The following NIN variants were observed in gnomAD, a reference collection of about 807,000 sequenced individuals.
The protein encoded by NIN is glycogen synthase kinase 3 beta-interacting protein.
A neutral mutation model predicts 257.6 loss-of-function variants in NIN; 137 were observed. That is an observed-to-expected ratio of 0.53 (90% CI 0.46 to 0.61). The LOEUF (loss-of-function observed/expected upper bound fraction) is 0.61. Among genes scored for constraint, NIN ranks in the 20% least tolerant of loss-of-function variants. The pLI, the probability that NIN is intolerant of heterozygous loss-of-function variation, is 0.00. For missense variants in NIN, 2,439 were observed against 2,501.2 expected, an observed-to-expected ratio of 0.98 and a Z score of 0.53; for synonymous variants, 918 against 919.8, an observed-to-expected ratio of 1.00 and a Z score of 0.04.
At chr14:50,783,056 G>A (rs1291552924) in intron 5 of NIN, among the ~76,000 whole-genome samples, 2 of 152,252 alleles carry the variant, frequency 1.3e-5, no homozygotes, top group East Asian at 3.9e-4. Flanking sequence ...AGTGGGGGTG[G>A]GGGTTAGGGG....
intron 21 of NIN, among the ~76,000 whole-genome samples, chr14:50,748,766 C>A (rs2041663314): frequency 6.6e-6 from 1 of 152,088 alleles, no homozygotes. Context: ...ACATGAAGGA[C>A]CTCTTCAAGG....
intron 12 of NIN, among the ~76,000 whole-genome samples, chr14:50,769,837 G>A (rs1452069769): frequency 2.6e-5 from 4 of 151,980 alleles, no homozygotes; most frequent in African/African-American, 9.7e-5. Context: ...CAGCTACTTG[G>A]CAGGCCGAGG....
chr14:50,787,022 C>G (rs936883712), intron 5 of NIN, among the ~76,000 whole-genome samples: 1 of 152,056 alleles, frequency 6.6e-6, no homozygotes, highest in African/African-American at 2.4e-5. Flanking sequence ...CCTCATAGTC[C>G]CAACACAAAG....
intron 2 of NIN, among the ~76,000 whole-genome samples, chr14:50,828,114 AAAAG>A (rs2045547832): frequency 6.6e-6 from 1 of 152,072 alleles, no homozygotes; most frequent in African/African-American, 2.4e-5. Context: ...AAAAAAAAAA[AAAAG>A]GAGAAAGCTT....
rs1344927228 is a variant in NIN at position 50,756,697 on chromosome 14, A to C, written c.4333T>G (p.Phe1445Val). 6.4e-7 allele frequency: 1 copy of C among 1,551,644 alleles called. No homozygotes were observed. The highest frequency in any genetic ancestry group is 1.7e-4 in the Middle Eastern group (1 of 5,992). The change falls in exon 18 of 31, where the codon TTT becomes GTT. Residue 1445 changes from phenylalanine (F) to valine (V), a missense_variant. By Grantham distance (50) the Phe-to-Val change is conservative. Transcript: ENST00000530997. ...TTLLGFQDKH[F>V]QHQATIAELE... is the part of the protein sequence containing the mutation. ...TCTGCTATGGTGGCCTGATGCTGAA[A>C]ATGTTTGTCTTGAAAGCCTAGGAGA... is the stretch of plus-strand genomic sequence containing the variant.
At chr14:50,784,928 T>A (rs1772420382) in intron 5 of NIN, among the ~76,000 whole-genome samples, 1 of 152,330 alleles carries the variant, frequency 6.6e-6, no homozygotes, top group Admixed American at 6.5e-5. Context: ...GCCAGTGTAC[T>A]GGCCAACAGC....
intron 28 of NIN, among the ~76,000 whole-genome samples, chr14:50,731,213 C>G (rs901256256): frequency 6.6e-6 from 1 of 152,042 alleles, no homozygotes; most frequent in African/African-American, 2.4e-5. Context: ...ATTTGTGCCC[C>G]GCCCAATATA....
At chr14:50,735,169 A>AT (rs2040914850) in intron 28 of NIN, among the ~76,000 whole-genome samples, 1 of 152,196 alleles carries the variant, frequency 6.6e-6, no homozygotes, top group African/African-American at 2.4e-5. Context: ...AAAATGCTGC[A>AT]ATATAGGAGG....
chr14:50,779,824 G>GAGCC (rs2043063688), intron 5 of NIN, among the ~76,000 whole-genome samples: 1 of 152,138 alleles, frequency 6.6e-6, no homozygotes. Flanking sequence ...AGGCAAGAAT[G>GAGCC]AGCCTAGTGT....
intron 22 of NIN, among the ~76,000 whole-genome samples, chr14:50,746,092 T>C (rs2041525527): frequency 1.3e-5 from 2 of 152,028 alleles, no homozygotes; most frequent in South Asian, 4.2e-4. Context: ...ATCATGTTGT[T>C]TTTCTCCTAG....
chr14:50,777,137 G>T lies in NIN; in HGVS notation c.478C>A (p.Gln160Lys). Residue 160 changes from glutamine to lysine, a missense_variant and splice_region_variant, in exon 7 of 31, where the codon CAG becomes AAG. Physicochemically the swap from Gln to Lys is moderately conservative, Grantham distance 53 (BLOSUM62 1). Coordinates refer to ENST00000530997, the MANE Select transcript of NIN (RefSeq NM_020921.4). ...TCATCTGGGTTCCAAAACCTTAACT[G>T]GCCTGAGAGAGAAGCATATGTTGCA... ...QRSEEYEAEG[Q>K]LRFWNPDDLN... 3 of 1,603,222 alleles carry T rather than the reference G, an allele frequency of 1.9e-6. No homozygotes were observed. Among genetic ancestry groups the T allele is most frequent in the South Asian group, 2.2e-5 (2 of 89,330 alleles).
At chr14:50,759,045 GAAC>G (rs2042159283) in intron 17 of NIN, among the ~76,000 whole-genome samples, 1 of 152,180 alleles carries the variant, frequency 6.6e-6, no homozygotes, top group African/African-American at 2.4e-5. Context: ...TGACACATAT[GAAC>G]AAATTCATTC....
Position 50,757,388 on chromosome 14 carries a change from A to C in NIN, c.3642T>G (p.Cys1214Trp). 1.2e-6 allele frequency: 2 copies of C among 1,614,140 alleles called. No individual in the cohort carries two copies. Among genetic ancestry groups the C allele is most frequent in the Non-Finnish European group, 1.7e-6 (2 of 1,180,034 alleles). ...CCTGTTTCTTTTCAGAAGCTCGATC[A>C]CAGTCCGCACATAACATCATTAGCT... is the stretch of plus-strand genomic sequence containing the variant. ...QEQLMMLCAD[C>W]DRASEKKQDL... The change falls in exon 18 of 31, where the codon TGT becomes TGG. Residue 1214 changes from cysteine to tryptophan, a missense_variant. Cys to Trp is a radical substitution (Grantham distance 215). Transcript: ENST00000530997.
intron 2 of NIN, among the ~76,000 whole-genome samples, chr14:50,830,174 C>A (rs1417942004): frequency 1.3e-5 from 2 of 152,238 alleles, no homozygotes; most frequent in Admixed American, 6.5e-5. Flanking sequence ...ACGGAACCAC[C>A]ACCCCTTCTG....
chr14:50,815,215 T>C (rs539785550), intron 3 of NIN, among the ~76,000 whole-genome samples: 1 of 152,170 alleles, frequency 6.6e-6, no homozygotes, highest in East Asian at 1.9e-4. Context: ...AACAACCCCA[T>C]TAAAAAGTGG....
chr14:50,747,209 T>C (rs544030045), intron 22 of NIN, among the ~76,000 whole-genome samples: 1 of 152,326 alleles, frequency 6.6e-6, no homozygotes, highest in South Asian at 2.1e-4. Flanking sequence ...GCCACATTCA[T>C]GAGACTGCAT....
chr14:50,766,220 G>T (rs1001575609), intron 14 of NIN, 87 bp downstream of exon 14: 3 of 961,056 alleles, frequency 3.1e-6, no homozygotes, highest in African/African-American at 1.6e-5. Flanking sequence ...GAAGTGACTT[G>T]CTTAGGGTCA....
In NIN at chr14:50,777,069, C is replaced by A. The variant is rs751991564; in HGVS notation, c.546G>T (p.Trp182Cys). 1 of 1,614,214 alleles carries A rather than the reference C, an allele frequency of 6.2e-7. No homozygotes were observed. The highest frequency in any genetic ancestry group is 8.5e-7 in the Non-Finnish European group (1 of 1,180,042). The change falls in exon 7 of 31, where the codon TGG becomes TGT. Residue 182 changes from tryptophan (W) to cysteine (C), a missense_variant. Physicochemically the swap from Trp to Cys is radical, Grantham distance 215 (BLOSUM62 -2). Transcript: ENST00000530997. ...SQSGSSPPQDWIEEKLQEVCE... is the reference protein window; with the variant it reads ...SQSGSSPPQDCIEEKLQEVCE... Reference sequence around the variant, plus strand: ...AAACTTCTTGCAGTTTCTCTTCTATCCAGTCTTGGGGAGGGGAAGATCCAC... The same window carrying A: ...AAACTTCTTGCAGTTTCTCTTCTATACAGTCTTGGGGAGGGGAAGATCCAC...
chr14:50,720,526 T>C lies in NIN; in HGVS notation c.*2937A>G, dbSNP rs1050150843. 1 of 209,754 alleles carries C rather than the reference T, an allele frequency of 4.8e-6. No individual in the cohort carries two copies. Among genetic ancestry groups the C allele is most frequent in the African/African-American group, 2.3e-5 (1 of 44,034 alleles). The allele number at this position is 209,754 out of a possible 1,614,324, so 13.0% of individuals were successfully genotyped here. A position where few individuals can be genotyped will look rare whatever the true frequency, so the allele number is the denominator to read the frequency against. On this transcript the variant is annotated 3_prime_UTR_variant, in exon 31 of 31. Transcript: ENST00000530997. ...ACTAGACCTGCAAGATCTCTTCCTA[T>C]GCCTTGGAAGCCTATGACTTCATGA...
Sources: gnomAD v4.1 joint callset for allele counts (sites outside exome capture counted in the v4.1 genomes callset) on GRCh38, gnomAD v4.1.1 for gene constraint, MANE v1.5 for transcripts, NCBI Gene and HGNC (gene_info 2026-07-23, HGNC 2026-07-21) for gene names.